PTPRD: variants seen among roughly 807,000 people sequenced by gnomAD.
PTPRD encodes the protein receptor-type tyrosine-protein phosphatase delta.
A neutral mutation model predicts 214.5 loss-of-function variants in PTPRD; 34 were observed. That is an observed-to-expected ratio of 0.16 (90% CI 0.12 to 0.21). The LOEUF (loss-of-function observed/expected upper bound fraction) is 0.21, where lower values mean the gene tolerates loss of function less well. Among genes scored for constraint, PTPRD ranks in the 10% least tolerant of loss-of-function variants. PTPRD has a pLI of 1.00. For synonymous variants in PTPRD, 1,128 were observed against 845.7 expected, an observed-to-expected ratio of 1.33 and a Z score of -5.79; for missense variants, 2,545 against 2,398.7, an observed-to-expected ratio of 1.06 and a Z score of -1.27.
intron 8 of PTPRD, among the ~76,000 whole-genome samples, chr9:9,497,165 G>A (rs1381239127): frequency 1.3e-5 from 2 of 152,156 alleles, no homozygotes; most frequent in South Asian, 2.1e-4. Flanking sequence ...TCATGGAGGT[G>A]GATGGTGGTG....
chr9:9,538,536 C>A (rs1322581114), intron 8 of PTPRD, among the ~76,000 whole-genome samples: 2 of 151,816 alleles, frequency 1.3e-5, no homozygotes, highest in East Asian at 3.9e-4. Context: ...TTTGATTGAT[C>A]AAAACTTGGA....
At chr9:8,413,328 T>G (rs1449778678) in intron 35 of PTPRD, among the ~76,000 whole-genome samples, 1 of 152,198 alleles carries the variant, frequency 6.6e-6, no homozygotes, top group Non-Finnish European at 1.5e-5. Context: ...ATAAATTAAC[T>G]TTTGTTAATG....
At chr9:9,563,342 C>A (rs2083458449) in intron 8 of PTPRD, among the ~76,000 whole-genome samples, 1 of 152,106 alleles carries the variant, frequency 6.6e-6, no homozygotes. Context: ...GATCAGAATG[C>A]TTTGACAATA....
At chr9:10,451,115 T>C (rs902026016) in intron 2 of PTPRD, among the ~76,000 whole-genome samples, 1 of 152,058 alleles carries the variant, frequency 6.6e-6, no homozygotes, top group Admixed American at 6.5e-5. Context: ...TATTTAAGTA[T>C]ACGTATTTTG....
At chr9:8,584,064 G>A (rs569581786) in intron 14 of PTPRD, among the ~76,000 whole-genome samples, 1 of 152,258 alleles carries the variant, frequency 6.6e-6, no homozygotes, top group East Asian at 1.9e-4. Context: ...TGACACAGGA[G>A]GATCACCTGA....
intron 8 of PTPRD, among the ~76,000 whole-genome samples, chr9:9,563,302 C>G (rs1267595157): frequency 6.6e-6 from 1 of 152,130 alleles, no homozygotes; most frequent in Admixed American, 6.6e-5. Flanking sequence ...CATTTGGGAA[C>G]TACCTTATGG....
chr9:8,887,906 G>T (rs2154233681), intron 11 of PTPRD, among the ~76,000 whole-genome samples: 1 of 152,196 alleles, frequency 6.6e-6, no homozygotes, highest in South Asian at 2.1e-4. Context: ...TTCCTCACTG[G>T]AACTTACAGG....
chr9:10,056,538 G>A (rs555681688), intron 3 of PTPRD, among the ~76,000 whole-genome samples: 14 of 151,258 alleles, frequency 9.3e-5, no homozygotes, highest in Non-Finnish European at 1.8e-4. Context: ...TTTTTAAATC[G>A]CCTTAGTGTT....
At chr9:8,936,000 A>T (rs1438282802) in intron 11 of PTPRD, 1 of 152,218 alleles carries the variant, frequency 6.6e-6, no homozygotes, top group Non-Finnish European at 1.5e-5. Flanking sequence ...GCTCTTGGCT[A>T]CATGGCTTGA....
At chr9:9,966,435 G>C (rs1490749802) in intron 4 of PTPRD, among the ~76,000 whole-genome samples, 2 of 152,044 alleles carry the variant, frequency 1.3e-5, no homozygotes, top group Non-Finnish European at 2.9e-5. Context: ...GCAGCAAGGA[G>C]GTACCTTATC....
chr9:10,357,231 G>C (rs940782139), intron 2 of PTPRD, among the ~76,000 whole-genome samples: 22 of 152,092 alleles, frequency 1.4e-4, no homozygotes, highest in Admixed American at 4.6e-4. Flanking sequence ...GTATTTTTGA[G>C]AACACTGCTT....
At chr9:10,312,610 T>C (rs2096297756) in intron 3 of PTPRD, among the ~76,000 whole-genome samples, 1 of 152,014 alleles carries the variant, frequency 6.6e-6, no homozygotes. Context: ...AACATTCTTA[T>C]CATCTATGTT....
intron 8 of PTPRD, among the ~76,000 whole-genome samples, chr9:9,499,738 A>C (rs1412033938): frequency 6.6e-6 from 1 of 152,048 alleles, no homozygotes; most frequent in East Asian, 1.9e-4. Context: ...AACAAAACAC[A>C]AGCATGGATA....
At chr9:8,952,347 G>T (rs906797075) in intron 11 of PTPRD, among the ~76,000 whole-genome samples, 3 of 151,880 alleles carry the variant, frequency 2.0e-5, no homozygotes, top group Non-Finnish European at 4.4e-5. Context: ...TGTCATCAAC[G>T]TACTGCATTT....
chr9:9,403,290 C>CAAAAAAAAAAAAAAAAAAAAA (rs56105335), intron 8 of PTPRD, among the ~76,000 whole-genome samples: 10 of 60,660 alleles, frequency 1.6e-4, no homozygotes, highest in African/African-American at 5.2e-4. Flanking sequence ...TACTCTGTCT[C>CAAAAAAAAAAAAAAAAAAAAA]AAAAAAAAAA....
intron 8 of PTPRD, among the ~76,000 whole-genome samples, chr9:9,544,892 C>T (rs1041692049): frequency 1.3e-5 from 2 of 151,578 alleles, no homozygotes; most frequent in African/African-American, 4.8e-5. Flanking sequence ...CGATAGCCCA[C>T]ATTTCTAGTT....
At chr9:8,997,868 G>A (rs941283464) in intron 11 of PTPRD, among the ~76,000 whole-genome samples, 1 of 152,074 alleles carries the variant, frequency 6.6e-6, no homozygotes, top group Non-Finnish European at 1.5e-5. Flanking sequence ...AAGTGAAACA[G>A]CCTTATTGCT....
intron 5 of PTPRD, among the ~76,000 whole-genome samples, chr9:9,892,402 G>A (rs748793499): frequency 2.0e-5 from 3 of 152,090 alleles, no homozygotes; most frequent in Non-Finnish European, 4.4e-5. Flanking sequence ...CCCTGAGAGT[G>A]TGTGCACACT....
intron 11 of PTPRD, among the ~76,000 whole-genome samples, chr9:8,839,751 G>T (rs2097522559): frequency 6.6e-6 from 1 of 152,124 alleles, no homozygotes; most frequent in Admixed American, 6.5e-5. Context: ...GTTCCTCAAA[G>T]CTTTGTATTG....
Sources: gnomAD v4.1 joint callset for allele counts (sites outside exome capture counted in the v4.1 genomes callset) on GRCh38, gnomAD v4.1.1 for gene constraint, MANE v1.5 for transcripts, NCBI Gene and HGNC (gene_info 2026-07-23, HGNC 2026-07-21) for gene names.